STK3: variants seen among roughly 807,000 people sequenced by gnomAD.
STK3 encodes the protein serine/threonine-protein kinase 3.
In STK3, 41 loss-of-function variants were observed where a neutral mutation model predicts 58.0. The observed-to-expected ratio is 0.71, with a 90% CI of 0.55 to 0.92. The LOEUF is 0.92. Ranked by LOEUF, STK3 falls within the 40% of genes least tolerant of loss-of-function variation. The probability of loss-of-function intolerance (pLI) is 0.00; values close to 1 mark genes in which losing one functional copy is unlikely to be tolerated. For synonymous variants in STK3, 170 were observed against 191.0 expected, an observed-to-expected ratio of 0.89 and a Z score of 0.91; for missense variants, 479 against 602.7, an observed-to-expected ratio of 0.79 and a Z score of 2.15.
At position 98,858,321 on chromosome 8, in the gene STK3, T is replaced by TAGAG. The variant is rs1404140117; in HGVS notation, c.110+25325_110+25326insCTCT. ...ATATATATATATATATATATATATA[T>TAGAG]ATAGAGAGAGAGAGAGAGAGAGAGA... On this transcript the variant is annotated intron_variant, in intron 3 of 12. Coordinates refer to the STK3 transcript ENST00000523601. Among the ~76,000 whole-genome samples the TAGAG allele has an allele frequency of 7.2e-3, 229 of 31,834 alleles. 1 individual carries two copies. The highest frequency in any genetic ancestry group is 0.012 in the African/African-American group (103 of 8,294). The allele number at this position is 31,834 out of a possible 152,430, so 20.9% of individuals were successfully genotyped here. A position where few individuals can be genotyped will look rare whatever the true frequency, so the allele number is the denominator to read the frequency against.
chr8:98,751,386 T>A (rs1829973046), intron 3 of STK3, among the ~76,000 whole-genome samples: 1 of 152,212 alleles, frequency 6.6e-6, no homozygotes, highest in African/African-American at 2.4e-5. Context: ...CTTCTCAGGC[T>A]GATAAGCAAC....
In STK3 at chr8:98,652,399, A is replaced by G. The variant is rs183881592; in HGVS notation, c.684+54068T>C. 2.4e-3 allele frequency among the ~76,000 whole-genome samples: 363 copies of G among 152,322 alleles called. 2 individuals carry two copies. Among genetic ancestry groups the G allele is most frequent in the African/African-American group, 8.2e-3 (339 of 41,566 alleles). ...ATCATGCCGAATTGTAAAGACCACCAATGCTAGGAAGAAACTGCATCAACT... is the reference window on the plus strand; with the variant it reads ...ATCATGCCGAATTGTAAAGACCACCGATGCTAGGAAGAAACTGCATCAACT... On this transcript the variant is annotated intron_variant, in intron 6 of 10. Coordinates refer to ENST00000419617, the MANE Select transcript of STK3 (RefSeq NM_006281.4).
chr8:98,765,958 C>T (rs1262521046), intron 3 of STK3, among the ~76,000 whole-genome samples: 1 of 152,248 alleles, frequency 6.6e-6, no homozygotes, highest in African/African-American at 2.4e-5. Context: ...TCATTCTGTT[C>T]TCTGTCCCAT....
chr8:98,549,511 A>C (rs1327446462), intron 8 of STK3, among the ~76,000 whole-genome samples: 1 of 152,122 alleles, frequency 6.6e-6, no homozygotes, highest in Non-Finnish European at 1.5e-5. Context: ...TAATTTGCAA[A>C]TATTTTCTCC....
intron 8 of STK3, among the ~76,000 whole-genome samples, chr8:98,564,686 A>G (rs576615839): frequency 1.3e-5 from 2 of 152,262 alleles, no homozygotes; most frequent in Admixed American, 1.3e-4. Flanking sequence ...TTCTGATTTG[A>G]TTTTTACACA....
chr8:98,797,238 G>C (rs1833237304), intron 1 of STK3, among the ~76,000 whole-genome samples: 1 of 152,138 alleles, frequency 6.6e-6, no homozygotes, highest in South Asian at 2.1e-4. Context: ...GTGGTTTCTT[G>C]GCCCACCTGA....
intron 3 of STK3, among the ~76,000 whole-genome samples, chr8:98,857,447 G>A (rs1429262340): frequency 6.7e-6 from 1 of 150,092 alleles, no homozygotes; most frequent in Non-Finnish European, 1.5e-5. Flanking sequence ...ATGAATCTAT[G>A]CACAAGAACA....
chr8:98,483,382 T>C (rs545108856), intron 10 of STK3, among the ~76,000 whole-genome samples: 18 of 152,264 alleles, frequency 1.2e-4, no homozygotes, highest in Admixed American at 2.6e-4. Flanking sequence ...ATGGAGAAAA[T>C]TGATTTTTTA....
intron 10 of STK3, among the ~76,000 whole-genome samples, chr8:98,459,837 T>G (rs1370675118): frequency 6.6e-6 from 1 of 152,232 alleles, no homozygotes; most frequent in African/African-American, 2.4e-5. Flanking sequence ...TGGGAACCTC[T>G]ACCTAGACTT....
chr8:98,621,567 T>G (rs1445258558), intron 6 of STK3, among the ~76,000 whole-genome samples: 1 of 152,160 alleles, frequency 6.6e-6, no homozygotes, highest in African/African-American at 2.4e-5. Context: ...ATTGAAGAAG[T>G]TATCTTTATT....
At chr8:98,889,525 CT>C (rs1302469023) in intron 1 of STK3, among the ~76,000 whole-genome samples, 1 of 152,034 alleles carries the variant, frequency 6.6e-6, no homozygotes, top group Non-Finnish European at 1.5e-5. Flanking sequence ...ATGTGACAAC[CT>C]TTTGACATAC....
At chr8:98,698,806 T>A (rs1222058992) in intron 6 of STK3, among the ~76,000 whole-genome samples, 4 of 151,766 alleles carry the variant, frequency 2.6e-5, no homozygotes, top group Non-Finnish European at 4.4e-5. Flanking sequence ...ATTTTTTCCT[T>A]CATTTCAACT....
intron 8 of STK3, among the ~76,000 whole-genome samples, chr8:98,550,846 T>C (rs1300615887): frequency 6.6e-6 from 1 of 152,138 alleles, no homozygotes; most frequent in African/African-American, 2.4e-5. Context: ...AACAAGGTAG[T>C]TTCACACCTT....
chr8:98,435,697 A>G (rs1009257528), intron 2 of STK3, among the ~76,000 whole-genome samples: 1 of 152,066 alleles, frequency 6.6e-6, no homozygotes, highest in Non-Finnish European at 1.5e-5. Flanking sequence ...TGGTGGCTGG[A>G]TGGATGGTGG....
At chr8:98,607,516 T>C (rs1816868555) in intron 6 of STK3, among the ~76,000 whole-genome samples, 1 of 152,246 alleles carries the variant, frequency 6.6e-6, no homozygotes, top group South Asian at 2.1e-4. Flanking sequence ...AAGAAAATCC[T>C]TGATTTAAAA....
chr8:98,783,012 AAAG>A (rs1832202734), intron 1 of STK3, among the ~76,000 whole-genome samples: 1 of 152,002 alleles, frequency 6.6e-6, no homozygotes, highest in East Asian at 1.9e-4. Context: ...ACAAAGAGAG[AAAG>A]AAGGAGAGGG....
intron 1 of STK3, among the ~76,000 whole-genome samples, chr8:98,898,594 T>C (rs1838544427): frequency 6.6e-6 from 1 of 152,142 alleles, no homozygotes. Context: ...TGACAATCAA[T>C]ATAAAGAGCA....
chr8:98,721,906 G>T (rs1827458352), intron 4 of STK3, among the ~76,000 whole-genome samples: 1 of 152,030 alleles, frequency 6.6e-6, no homozygotes, highest in Non-Finnish European at 1.5e-5. Flanking sequence ...ATTATTTATT[G>T]AGCACCTACT....
intron 6 of STK3, among the ~76,000 whole-genome samples, chr8:98,668,988 CTT>C (rs35407432): frequency 7.9e-4 from 88 of 111,098 alleles, no homozygotes; most frequent in African/African-American, 2.8e-3. Flanking sequence ...TTAATCTTGT[CTT>C]TTTTTTTTTT....
Sources: gnomAD v4.1 joint callset for allele counts (sites outside exome capture counted in the v4.1 genomes callset) on GRCh38, gnomAD v4.1.1 for gene constraint, MANE v1.5 for transcripts, NCBI Gene and HGNC (gene_info 2026-07-23, HGNC 2026-07-21) for gene names.